The following USH2A variants were observed in gnomAD, a reference collection of about 807,000 sequenced individuals.
The protein encoded by USH2A is Usher syndrome 2A (autosomal recessive, mild).
A neutral mutation model predicts 538.9 loss-of-function variants in USH2A; 443 were observed. That is an observed-to-expected ratio of 0.82 (90% CI 0.76 to 0.89). The LOEUF (loss-of-function observed/expected upper bound fraction) is 0.89, where lower values mean the gene tolerates loss of function less well. USH2A is among the 40% of genes least tolerant of loss of function. The pLI, the probability that USH2A is intolerant of heterozygous loss-of-function variation, is 0.00. For missense variants in USH2A, 6,633 were observed against 6,324.8 expected, an observed-to-expected ratio of 1.05 and a Z score of -1.65; for synonymous variants, 2,413 against 2,273.5, an observed-to-expected ratio of 1.06 and a Z score of -1.75.
At chr1:216,291,592 T>C (rs1217984258) in intron 10 of USH2A, among the ~76,000 whole-genome samples, 2 of 152,238 alleles carry the variant, frequency 1.3e-5, no homozygotes, top group Non-Finnish European at 2.9e-5. Flanking sequence ...TATGCTATTA[T>C]ATTTCACAAA....
chr1:216,003,342 C>T (rs1190527343), intron 32 of USH2A, among the ~76,000 whole-genome samples: 1 of 152,100 alleles, frequency 6.6e-6, no homozygotes, highest in Non-Finnish European at 1.5e-5. Flanking sequence ...GATAGCATGT[C>T]TTTAAAGTGA....
At chr1:215,836,475 TATATAATATATA>T (rs1663496130) in intron 47 of USH2A, among the ~76,000 whole-genome samples, 2 of 5,580 alleles carry the variant, frequency 3.6e-4, no homozygotes, top group Non-Finnish European at 5.1e-4. Context: ...TATATATATA[TATATAATATATA>T]TTATATATAT....
At position 216,000,488 on chromosome 1, in the gene USH2A, C is replaced by A. The variant is rs1394818951; in HGVS notation, c.6400G>T (p.Val2134Phe). The change falls in exon 33 of 72, where the codon GTC becomes TTC. Residue 2134 changes from valine (V) to phenylalanine (F), a missense_variant. Val to Phe is a conservative substitution (Grantham distance 50, BLOSUM62 -1). Coordinates refer to ENST00000307340, the MANE Select transcript of USH2A (RefSeq NM_206933.4). The part of the protein sequence containing the change: ...THVGCTNSSW[V>F]LLYTAQLPPE... ...GGCAGCTGTGCTGTGTACAGTAGGA[C>A]CCAGGAACTGTTTGTACAGCCCACA... 1.2e-6 allele frequency: 2 copies of A among 1,613,490 alleles called. No individual in the cohort carries two copies. The highest frequency in any genetic ancestry group is 1.6e-4 in the Middle Eastern group (1 of 6,080).
At chr1:215,814,982 T>C (rs1662817422) in intron 48 of USH2A, among the ~76,000 whole-genome samples, 1 of 152,136 alleles carries the variant, frequency 6.6e-6, no homozygotes, top group African/African-American at 2.4e-5. Flanking sequence ...GTTTAAGTAT[T>C]TTGGGAAACA....
intron 46 of USH2A, among the ~76,000 whole-genome samples, chr1:215,844,072 A>G (rs760711283): frequency 1.3e-5 from 2 of 152,148 alleles, no homozygotes; most frequent in Non-Finnish European, 2.9e-5. Context: ...CACCATCCTC[A>G]TCACCATCGT....
rs146650850 is a variant in USH2A at position 216,333,809 on chromosome 1, A to G, written c.785-6155T>C. Among the ~76,000 whole-genome samples the G allele has an allele frequency of 2.2e-3, 331 of 152,162 alleles. 2 individuals carry two copies. The highest frequency in any genetic ancestry group is 7.5e-3 in the African/African-American group (310 of 41,546). On this transcript the variant is annotated intron_variant, in intron 4 of 71. Coordinates refer to ENST00000307340, the MANE Select transcript of USH2A (RefSeq NM_206933.4). ...GGCGTCCAGAAGGGAGAAGAATGACATATTTAAAGTCGTAAAAAAAAACTG... is the reference window on the plus strand; with the variant it reads ...GGCGTCCAGAAGGGAGAAGAATGACGTATTTAAAGTCGTAAAAAAAAACTG...
In USH2A at chr1:216,377,899, GAA is replaced by G. The variant is rs1356611311; in HGVS notation, c.652-12816_652-12815del. The stretch of plus-strand genomic sequence containing the variant: ...AGAAAGAAAGGAAGGAAGGAAGAAA[GAA>G]AGAGAAAGAAAGAGAAAGAAAGAGA... On this transcript the variant is annotated intron_variant, in intron 3 of 71. Coordinates refer to ENST00000307340, the MANE Select transcript of USH2A (RefSeq NM_206933.4). 3.5e-3 allele frequency among the ~76,000 whole-genome samples: 509 copies of G among 146,174 alleles called. 3 individuals carry two copies. The highest frequency in any genetic ancestry group is 0.013 in the African/African-American group (484 of 37,344).
At chr1:216,050,875 G>A (rs2030759049) in intron 30 of USH2A, among the ~76,000 whole-genome samples, 1 of 151,878 alleles carries the variant, frequency 6.6e-6, no homozygotes, top group Non-Finnish European at 1.5e-5. Flanking sequence ...AAAGTGCTGG[G>A]ATTACAGGCG....
Position 216,330,918 on chromosome 1 carries a change from A to AT in USH2A, c.785-3265dup, listed in dbSNP as rs2037847849. 3.9e-5 allele frequency among the ~76,000 whole-genome samples: 6 copies of AT among 152,158 alleles called. No individual in the cohort carries two copies. The South Asian group carries it at 1.2e-3, about 32-fold the overall frequency. On this transcript the variant is annotated intron_variant, in intron 4 of 71. Transcript: ENST00000307340. Reference sequence around the variant, plus strand: ...TGATAAATTAGAATTCACTCCCTATATTTTAATAATAGCTAAAGGGAAGCT... The same window carrying AT: ...TGATAAATTAGAATTCACTCCCTATATTTTTAATAATAGCTAAAGGGAAGCT...
intron 47 of USH2A, among the ~76,000 whole-genome samples, chr1:215,829,097 C>T (rs913141338): frequency 1.3e-5 from 2 of 151,848 alleles, no homozygotes; most frequent in African/African-American, 2.4e-5. Flanking sequence ...TCCGGGTTAT[C>T]GATCAGTAGT....
chr1:215,823,804 A>C lies in USH2A; in HGVS notation c.9372-6609T>G, dbSNP rs1166798900. Among the ~76,000 whole-genome samples the C allele has an allele frequency of 2.6e-5, 4 of 151,538 alleles. No individual in the cohort carries two copies. In the Admixed American group the frequency reaches 2.6e-4, roughly 10 times the overall value. On this transcript the variant is annotated intron_variant, in intron 47 of 71. Coordinates refer to ENST00000307340, the MANE Select transcript of USH2A (RefSeq NM_206933.4). ...GTTTGTTGATGCTTTCCTCTGATCTAGTTTGCTATTGAGAGCCTCTAATGA... is the reference window on the plus strand; with the variant it reads ...GTTTGTTGATGCTTTCCTCTGATCTCGTTTGCTATTGAGAGCCTCTAATGA...
intron 58 of USH2A, among the ~76,000 whole-genome samples, chr1:215,746,316 C>T (rs771822352): frequency 3.3e-5 from 5 of 151,984 alleles, no homozygotes; most frequent in Non-Finnish European, 7.4e-5. Context: ...CCTGGTTAGG[C>T]CCTGGCCACC....
At chr1:215,669,264 G>A (rs1328210281) in intron 64 of USH2A, among the ~76,000 whole-genome samples, 1 of 152,102 alleles carries the variant, frequency 6.6e-6, no homozygotes, top group Non-Finnish European at 1.5e-5. Context: ...CTAGATAACT[G>A]ACAGCTTGAT....
At chr1:215,710,081 C>G (rs1054680812) in intron 61 of USH2A, among the ~76,000 whole-genome samples, 1 of 152,144 alleles carries the variant, frequency 6.6e-6, no homozygotes, top group Admixed American at 6.5e-5. Flanking sequence ...AATCAAGAAG[C>G]TATGGGTACA....
At position 215,888,587 on chromosome 1, in the gene USH2A, A is replaced by C. The variant is rs1665127346; in HGVS notation, c.8062T>G (p.Ser2688Ala). Residue 2688 changes from serine (S) to alanine (A), a missense_variant, in exon 41 of 72, where the codon TCT becomes GCT. By Grantham distance (99) the Ser-to-Ala change is moderately conservative (BLOSUM62 1). Coordinates refer to ENST00000307340, the MANE Select transcript of USH2A (RefSeq NM_206933.4). ...TATTTTGTCCATGGGCTAAGAGCAG[A>C]AGTCTTGTCAATAAACCTCATGGAA... is the stretch of plus-strand genomic sequence containing the variant. ...SHSMRFIDKT[S>A]ALSPWTKYEY... is the part of the protein sequence containing the mutation. 6.2e-7 allele frequency: 1 copy of C among 1,614,072 alleles called. No individual in the cohort carries two copies. Among genetic ancestry groups the C allele is most frequent in the Non-Finnish European group, 8.5e-7 (1 of 1,180,034 alleles).
At chr1:216,090,173 A>G (rs1289665298) in intron 22 of USH2A, among the ~76,000 whole-genome samples, 1 of 152,052 alleles carries the variant, frequency 6.6e-6, no homozygotes, top group African/African-American at 2.4e-5. Flanking sequence ...AGAAAATTTC[A>G]CCAAACTCTA....
In USH2A at chr1:215,628,997, A is replaced by G. The variant is rs758971496; in HGVS notation, c.15336T>C (p.Pro5112=). The G allele has an allele frequency of 7.4e-6, 12 of 1,613,580 alleles. No individual in the cohort carries two copies. The highest frequency in any genetic ancestry group is 1.0e-5 in the Non-Finnish European group (12 of 1,180,036). The stretch of plus-strand genomic sequence containing the variant: ...CACTCCGGTTGCTGCGGATACTCAC[A>G]GGTGTCCCAGACCGGGGAATTTTGG... ...ADTKIPRSGT[P]VSIRSNRSAC... The change falls in exon 71 of 72, where the codon CCT becomes CCC. Residue 5112 remains proline (P), a synonymous_variant. Transcript: ENST00000307340.
At chr1:215,868,775 A>T (rs1457263072) in intron 43 of USH2A, among the ~76,000 whole-genome samples, 1 of 152,224 alleles carries the variant, frequency 6.6e-6, no homozygotes, top group East Asian at 1.9e-4. Flanking sequence ...ATGGCCATGT[A>T]AAAACAGAAA....
intron 21 of USH2A, among the ~76,000 whole-genome samples, chr1:216,126,699 A>G (rs1436028204): frequency 6.6e-6 from 1 of 152,172 alleles, no homozygotes; most frequent in African/African-American, 2.4e-5. Flanking sequence ...CAATAATAAT[A>G]ATAATAATAA....
Sources: allele counts gnomAD v4.1 joint callset (sites outside exome capture counted in the v4.1 genomes callset), GRCh38; gene constraint gnomAD v4.1.1; transcripts MANE v1.5; gene names NCBI Gene and HGNC (gene_info 2026-07-23, HGNC 2026-07-21).